Variants in CHD7 observed in about 807,000 individuals in gnomAD.
The protein encoded by CHD7 is chromodomain helicase DNA binding protein 7, also known as ATP-dependent chromatin remodeler CHD7.
A neutral mutation model predicts 307.3 loss-of-function variants in CHD7; 24 were observed. That is an observed-to-expected ratio of 0.08 (90% CI 0.06 to 0.11). The LOEUF is 0.11. Among genes scored for constraint, CHD7 ranks in the 10% least tolerant of loss-of-function variants. The pLI, the probability that CHD7 is intolerant of heterozygous loss-of-function variation, is 1.00. For synonymous variants in CHD7, 1,363 were observed against 1,349.9 expected, an observed-to-expected ratio of 1.01 and a Z score of -0.21; for missense variants, 3,106 against 3,727.1, an observed-to-expected ratio of 0.83 and a Z score of 4.34.
chr8:60,682,218 A>G (rs775395302), intron 1 of CHD7, among the ~76,000 whole-genome samples: 1 of 152,204 alleles, frequency 6.6e-6, no homozygotes, highest in African/African-American at 2.4e-5. Context: ...AATCAGTTCA[A>G]CTTACAGGAA....
intron 31 of CHD7, 69 bp downstream of exon 31, chr8:60,853,569 C>CG: frequency 8.1e-7 from 1 of 1,234,286 alleles, no homozygotes; most frequent in South Asian, 1.8e-5. Flanking sequence ...TGCTTTCTGG[C>CG]AGCACGGCAC....
chr8:60,807,753 G>A (rs1311469803), intron 6 of CHD7, among the ~76,000 whole-genome samples: 1 of 152,218 alleles, frequency 6.6e-6, no homozygotes, highest in South Asian at 2.1e-4. Context: ...AGTATATGGA[G>A]AAATAAATGT....
At chr8:60,709,504 G>A (rs542562651) in intron 1 of CHD7, among the ~76,000 whole-genome samples, 51 of 152,190 alleles carry the variant, frequency 3.4e-4, no homozygotes, top group Non-Finnish European at 6.9e-4. Flanking sequence ...TGCTGAATGA[G>A]TGTCATTGTT....
At chr8:60,694,777 A>G (rs1244182308) in intron 1 of CHD7, among the ~76,000 whole-genome samples, 1 of 152,236 alleles carries the variant, frequency 6.6e-6, no homozygotes, top group Non-Finnish European at 1.5e-5. Context: ...GACTCAGGGA[A>G]GATCAGTTAG....
rs966292699 is a variant in CHD7, at chr8:60,845,329, C to T, written c.5130C>T (p.Ala1710=). Residue 1710 remains alanine, a synonymous_variant, in exon 23 of 38, where the codon GCC becomes GCT. Coordinates refer to ENST00000423902, the MANE Select transcript of CHD7 (RefSeq NM_017780.4). ...AQSTQPVVQD[A]DWLASCNPDA... Reference sequence around the variant, plus strand: ...GCACACAGCCGGTGGTGCAGGATGCCGACTGGCTGGCCAGCTGCAACCCAG... The same window carrying T: ...GCACACAGCCGGTGGTGCAGGATGCTGACTGGCTGGCCAGCTGCAACCCAG... 9 of 1,613,796 alleles carry T rather than the reference C, an allele frequency of 5.6e-6. No individual in the cohort carries two copies. The highest frequency in any genetic ancestry group is 2.2e-5 in the East Asian group (1 of 44,886).
At position 60,800,515 on chromosome 8, in the gene CHD7, C is replaced by T. The variant is rs1243599618; in HGVS notation, c.2366C>T (p.Ser789Leu). Residue 789 changes from serine (S) to leucine (L), a missense_variant, in exon 5 of 38, where the codon TCA (serine) becomes TTA (leucine). By Grantham distance (145) the Ser-to-Leu change is moderately radical (BLOSUM62 -2). Transcript: ENST00000423902. Reference sequence around the variant, plus strand: ...GATTCCCCCTCCAACACCTCCCAGTCAGAACAGCAGGTTAGTACCAGATCT... The same window carrying T: ...GATTCCCCCTCCAACACCTCCCAGTTAGAACAGCAGGTTAGTACCAGATCT... ...GRDSPSNTSQ[S>L]EQQESVDAEG... is the part of the protein sequence containing the mutation. The T allele has an allele frequency of 1.2e-6, 2 of 1,613,162 alleles. No individual in the cohort carries two copies.
intron 25 of CHD7, among the ~76,000 whole-genome samples, chr8:60,849,750 G>A (rs1805369791): frequency 1.3e-5 from 2 of 152,318 alleles, no homozygotes; most frequent in Non-Finnish European, 2.9e-5. Context: ...GGAGAATGAT[G>A]GCTTATAAAA....
chr8:60,719,584 C>G (rs1219524623), intron 1 of CHD7, among the ~76,000 whole-genome samples: 1 of 152,122 alleles, frequency 6.6e-6, no homozygotes, highest in East Asian at 1.9e-4. Flanking sequence ...ACTGGGCACT[C>G]TGGGAGCCCT....
chr8:60,848,798 T>C (rs1805323151), intron 24 of CHD7, among the ~76,000 whole-genome samples, 194 bp downstream of exon 24: 1 of 152,142 alleles, frequency 6.6e-6, no homozygotes, highest in East Asian at 1.9e-4. Flanking sequence ...CATTTATGTT[T>C]GTAGTGTAAA....
At chr8:60,822,267 G>C in intron 11 of CHD7, 122 bp downstream of exon 11, 1 of 835,536 alleles carries the variant, frequency 1.2e-6, no homozygotes, top group Non-Finnish European at 1.7e-6. Flanking sequence ...CAAAAAACAA[G>C]CATTGAAAAT....
intron 2 of CHD7, among the ~76,000 whole-genome samples, chr8:60,750,569 T>C (rs748277869): frequency 1.3e-5 from 2 of 152,254 alleles, no homozygotes; most frequent in African/African-American, 2.4e-5. Context: ...TTAAAGAAAC[T>C]GGTAAAACTA....
At chr8:60,761,384 C>G (rs1162297867) in intron 2 of CHD7, among the ~76,000 whole-genome samples, 2 of 151,152 alleles carry the variant, frequency 1.3e-5, no homozygotes, top group Admixed American at 6.6e-5. Flanking sequence ...GGAGATATAC[C>G]TAATGCTAAA....
chr8:60,688,006 T>C (rs912819184), intron 1 of CHD7, among the ~76,000 whole-genome samples: 7 of 152,232 alleles, frequency 4.6e-5, no homozygotes, highest in Admixed American at 1.3e-4. Flanking sequence ...TATTGCTGTG[T>C]CTTACCAGCC....
chr8:60,803,691 TA>T lies in CHD7; in HGVS notation c.2442+2105del, dbSNP rs1014766424. On this transcript the variant is annotated intron_variant, in intron 6 of 37. Coordinates refer to ENST00000423902, the MANE Select transcript of CHD7 (RefSeq NM_017780.4). ...GTTACTGGTATTTCTTAAAGGGCAATAAAAAAATCCATTAGAAGGTACTAAA... is the reference window on the plus strand; with the variant it reads ...GTTACTGGTATTTCTTAAAGGGCAATAAAAAATCCATTAGAAGGTACTAAA... Among the ~76,000 whole-genome samples, 6 of 152,274 alleles carry T rather than the reference TA, an allele frequency of 3.9e-5. No individual in the cohort carries two copies. In the South Asian group the frequency reaches 1.0e-3, roughly 26 times the overall value.
At position 60,853,073 on chromosome 8, in the gene CHD7, C is replaced by A. The variant is rs1322989002; in HGVS notation, c.6348C>A (p.Ile2116=). 1 of 1,613,958 alleles carries A rather than the reference C, an allele frequency of 6.2e-7. No homozygotes were observed. The highest frequency in any genetic ancestry group is 8.5e-7 in the Non-Finnish European group (1 of 1,179,894). ...KHGVSRTDYH[I]LNDPELSFLD... is the part of the protein sequence containing the mutation. ...GGGTCAGTCGGACGGATTATCACAT[C>A]CTCAATGACCCTGAGTTATCCTTCT... The change falls in exon 31 of 38, where the codon ATC becomes ATA. Residue 2116 remains isoleucine (I), a synonymous_variant. Transcript: ENST00000423902.
At chr8:60,747,232 C>T (rs187913096) in intron 2 of CHD7, among the ~76,000 whole-genome samples, 253 of 151,740 alleles carry the variant, frequency 1.7e-3, no homozygotes, top group Non-Finnish European at 2.9e-3. Context: ...CCCGCCACCA[C>T]GCCCAGCTTT....
chr8:60,732,764 C>G (rs1006347271), intron 1 of CHD7, among the ~76,000 whole-genome samples: 3 of 152,116 alleles, frequency 2.0e-5, no homozygotes, highest in Non-Finnish European at 4.4e-5. Flanking sequence ...ATACATTACT[C>G]TTCCATAAGT....
chr8:60,830,726 G>A, intron 15 of CHD7, 149 bp downstream of exon 15: 1 of 832,850 alleles, frequency 1.2e-6, no homozygotes, highest in Non-Finnish European at 1.8e-6. Context: ...CACTTTCTGT[G>A]ATGCCTCCTT....
intron 8 of CHD7, among the ~76,000 whole-genome samples, chr8:60,818,749 G>C (rs576440317): frequency 4.6e-5 from 7 of 152,356 alleles, no homozygotes; most frequent in African/African-American, 1.7e-4. Context: ...TTGAGCAGAT[G>C]ATGACTGAAC....
Sources: gnomAD v4.1 joint callset for allele counts (sites outside exome capture counted in the v4.1 genomes callset) on GRCh38, gnomAD v4.1.1 for gene constraint, MANE v1.5 for transcripts, NCBI Gene and HGNC (gene_info 2026-07-23, HGNC 2026-07-21) for gene names.